Variants in SNAP47 observed in about 807,000 individuals in gnomAD.
The protein encoded by SNAP47 is synaptosomal-associated protein 47.
Under a neutral mutation model 31.4 loss-of-function variants are expected in SNAP47, and 20 were observed. That is an observed-to-expected ratio of 0.64 (90% CI 0.45 to 0.93). The LOEUF is 0.93. Ranked by LOEUF, SNAP47 falls within the 40% of genes least tolerant of loss-of-function variation. SNAP47 has a pLI of 0.00. For synonymous variants in SNAP47, 194 were observed against 213.4 expected (o/e 0.91, Z 0.79); for missense variants, 492 against 528.5 (o/e 0.93, Z 0.68).
rs1340844298 is a variant in SNAP47 at position 227,748,074 on chromosome 1, C to T, written c.338C>T (p.Ser113Phe). The change falls in exon 2 of 5, where the codon TCT (serine) becomes TTT (phenylalanine). Residue 113 changes from serine (S) to phenylalanine (F), a missense_variant. Ser to Phe is a radical substitution (Grantham distance 155). Transcript: ENST00000617596. ...CAGCCTGGAGCCGTGGCAGACGCAT[C>T]TGTCCCAAGGACCCGGGGCGAGGAG... The part of the protein sequence containing the change: ...LSQPGAVADA[S>F]VPRTRGEELT... 6.2e-7 allele frequency: 1 copy of T among 1,614,174 alleles called. No individual in the cohort carries two copies. Among genetic ancestry groups the T allele is most frequent in the East Asian group, 2.2e-5 (1 of 44,870 alleles).
At chr1:227,735,369 G>C (rs1017583127), upstream of SNAP47, 14 of 1,591,064 alleles carry the variant, frequency 8.8e-6, no homozygotes, top group South Asian at 2.2e-5. Context: ...AGGGCGCCGC[G>C]TTTCTGCCCC....
At position 227,759,422 on chromosome 1, in the gene SNAP47, T is replaced by C. The variant is rs757634889; in HGVS notation, c.925T>C (p.Leu309=). The part of the protein sequence containing the change: ...SKKMELLEDA[L]VLRSARTSSP... ...GAAGATGGAGCTGTTAGAAGATGCATTGGTGCTCAGAAGCGCAAGAACCTC... is the reference window on the plus strand; with the variant it reads ...GAAGATGGAGCTGTTAGAAGATGCACTGGTGCTCAGAAGCGCAAGAACCTC... The change falls in exon 3 of 5, where the codon TTG becomes CTG. Residue 309 remains leucine (L), a synonymous_variant. Transcript: ENST00000617596. 8.7e-6 allele frequency: 14 copies of C among 1,614,062 alleles called. No individual in the cohort carries two copies. The Admixed American group carries it at 2.0e-4, about 23-fold the overall frequency.
intron 2 of SNAP47, among the ~76,000 whole-genome samples, chr1:227,749,619 T>C (rs1197735414): frequency 6.6e-6 from 1 of 152,222 alleles, no homozygotes; most frequent in African/African-American, 2.4e-5. Flanking sequence ...TGCCCGCTTT[T>C]CAGTGTCAGG....
intron 4 of SNAP47, among the ~76,000 whole-genome samples, chr1:227,771,785 G>GCTT (rs1170451437): frequency 6.6e-6 from 1 of 151,782 alleles, no homozygotes; most frequent in African/African-American, 2.4e-5. Flanking sequence ...AGGGCCCATG[G>GCTT]CTTCAGAGTG....
intron 2 of SNAP47, among the ~76,000 whole-genome samples, chr1:227,749,137 A>G (rs1437920165): frequency 6.6e-6 from 1 of 152,062 alleles, no homozygotes; most frequent in East Asian, 1.9e-4. Flanking sequence ...GTGTTTGGAT[A>G]TTATTAATAG....
upstream of SNAP47, chr1:227,734,124 C>CGGA (rs1660885188): frequency 4.2e-6 from 6 of 1,429,064 alleles, no homozygotes; most frequent in Admixed American, 1.3e-4. Context: ...CAATCGGCTC[C>CGGA]AGTGGAGCTT....
At chr1:227,737,805 G>GTTGTTTTGGGGA (rs200026130) in intron 1 of SNAP47, among the ~76,000 whole-genome samples, 1,537 of 152,248 alleles carry the variant, frequency 0.01, 16 homozygotes, top group African/African-American at 0.032. Context: ...GAGGCGGAGA[G>GTTGTTTTGGGGA]TTGTTTTGGG....
chr1:227,738,382 C>G (rs1231421206), intron 1 of SNAP47, among the ~76,000 whole-genome samples: 6 of 152,014 alleles, frequency 3.9e-5, no homozygotes, highest in Non-Finnish European at 7.4e-5. Flanking sequence ...GCCGGCTTTT[C>G]TACATTCCTT....
At chr1:227,773,127 ATTTTT>A (rs34140624) in intron 4 of SNAP47, among the ~76,000 whole-genome samples, 378 of 102,372 alleles carry the variant, frequency 3.7e-3, no homozygotes, top group African/African-American at 0.014. Flanking sequence ...CGTCCAGCTA[ATTTTT>A]TTTTTTTTTT....
At chr1:227,755,955 C>A (rs1662668657) in intron 2 of SNAP47, among the ~76,000 whole-genome samples, 1 of 152,236 alleles carries the variant, frequency 6.6e-6, no homozygotes, top group Non-Finnish European at 1.5e-5. Flanking sequence ...ATCAGAAAAT[C>A]TTTGAATCTA....
intron 4 of SNAP47, among the ~76,000 whole-genome samples, chr1:227,780,155 A>G (rs755671018): frequency 3.3e-5 from 5 of 152,144 alleles, no homozygotes; most frequent in Admixed American, 1.3e-4. Context: ...CTGCGTGCCC[A>G]GGTCCCCAGC....
intron 4 of SNAP47, among the ~76,000 whole-genome samples, chr1:227,767,420 C>T (rs1411247636): frequency 2.0e-5 from 3 of 152,188 alleles, no homozygotes; most frequent in Non-Finnish European, 2.9e-5. Context: ...CATGTGCATG[C>T]TGTGTGTAGT....
chr1:227,739,240 A>G (rs1661435540), intron 1 of SNAP47, among the ~76,000 whole-genome samples: 1 of 152,212 alleles, frequency 6.6e-6, no homozygotes, highest in Non-Finnish European at 1.5e-5. Flanking sequence ...GGCTCACTGC[A>G]ACCTCTGCCT....
chr1:227,773,072 C>T (rs1156580609), intron 4 of SNAP47, among the ~76,000 whole-genome samples: 1 of 151,906 alleles, frequency 6.6e-6, no homozygotes, highest in Non-Finnish European at 1.5e-5. Context: ...GTGATTCTCC[C>T]ACCTCAGCCT....
chr1:227,759,032 T>G lies in SNAP47; in HGVS notation c.535T>G (p.Phe179Val), dbSNP rs1662869491. The G allele has an allele frequency of 3.1e-6, 5 of 1,611,124 alleles. No homozygotes were observed. The highest frequency in any genetic ancestry group is 1.3e-5 in the African/African-American group (1 of 74,800). The change falls in exon 3 of 5, where the codon TTT becomes GTT. Residue 179 changes from phenylalanine to valine, a missense_variant. Phe to Val is a conservative substitution (Grantham distance 50, BLOSUM62 -1). Coordinates refer to ENST00000617596, the MANE Select transcript of SNAP47 (RefSeq NM_053052.4). ...TELESPAWWPFSSKLWKTPPE... is the reference protein window; with the variant it reads ...TELESPAWWPVSSKLWKTPPE... ...ACTGGAATCTCCTGCTTGGTGGCCCTTTAGCTCCAAGCTTTGGAAGACACC... is the reference window on the plus strand; with the variant it reads ...ACTGGAATCTCCTGCTTGGTGGCCCGTTAGCTCCAAGCTTTGGAAGACACC...
chr1:227,757,631 AG>A (rs1313176623), intron 2 of SNAP47, among the ~76,000 whole-genome samples: 39 of 152,348 alleles, frequency 2.6e-4, no homozygotes, highest in African/African-American at 8.2e-4. Context: ...AGCCAACGGC[AG>A]GTCTAGTAAC....
In SNAP47 at chr1:227,747,717, G is replaced by T. The variant is rs778364082; in HGVS notation, c.-20G>T. 74 of 1,606,912 alleles carry T rather than the reference G, an allele frequency of 4.6e-5. 1 individual carries two copies. Among genetic ancestry groups the T allele is most frequent in the Non-Finnish European group, 5.5e-5 (65 of 1,174,744 alleles). On this transcript the variant is annotated 5_prime_UTR_variant, in exon 2 of 5. Coordinates refer to ENST00000617596, the MANE Select transcript of SNAP47 (RefSeq NM_053052.4). The stretch of plus-strand genomic sequence containing the variant: ...AGGCAGAAGAGGCCTGGACCTTGGC[G>T]CACACAGACCCAGGAACAGATGAGC...
chr1:227,756,917 C>T (rs947958883), intron 2 of SNAP47, among the ~76,000 whole-genome samples: 1 of 152,264 alleles, frequency 6.6e-6, no homozygotes, highest in African/African-American at 2.4e-5. Context: ...GGGAGCAGGC[C>T]TCCTGCCAGG....
chr1:227,751,912 C>A (rs887418307), intron 2 of SNAP47, among the ~76,000 whole-genome samples: 1 of 151,850 alleles, frequency 6.6e-6, no homozygotes, highest in Non-Finnish European at 1.5e-5. Context: ...TGCAGGTGCC[C>A]GCTACCGCGC....
Sources: gnomAD v4.1 joint callset for allele counts (sites outside exome capture counted in the v4.1 genomes callset) on GRCh38, gnomAD v4.1.1 for gene constraint, MANE v1.5 for transcripts, NCBI Gene and HGNC (gene_info 2026-07-23, HGNC 2026-07-21) for gene names.